The following RIN2 variants were observed in gnomAD, a reference collection of about 807,000 sequenced individuals.
RIN2 encodes the protein Ras and Rab interactor 2, also known as RAB5 interacting protein 2.
Under a neutral mutation model 78.0 loss-of-function variants are expected in RIN2, and 36 were observed. That is an observed-to-expected ratio of 0.46 (90% CI 0.35 to 0.61). The LOEUF (loss-of-function observed/expected upper bound fraction) is 0.61. RIN2 is among the 20% of genes least tolerant of loss of function. The pLI, the probability that RIN2 is intolerant of heterozygous loss-of-function variation, is 0.00. For missense variants in RIN2, 1,087 were observed against 1,159.7 expected, an observed-to-expected ratio of 0.94 and a Z score of 0.91; for synonymous variants, 466 against 466.8, an observed-to-expected ratio of 1.00 and a Z score of 0.02.
At chr20:19,796,567 G>A (rs564122135) in intron 1 of RIN2, among the ~76,000 whole-genome samples, 3 of 152,298 alleles carry the variant, frequency 2.0e-5, no homozygotes, top group Admixed American at 2.0e-4. Flanking sequence ...ATCATGATGT[G>A]AAATATATTT....
At chr20:19,960,572 T>G in intron 5 of RIN2, 128 bp from the exon 6 acceptor site, 1 of 717,968 alleles carries the variant, frequency 1.4e-6, no homozygotes. Context: ...GGCAGGAGAG[T>G]TTCCTGCAGG....
chr20:19,979,505 G>A (rs1049570905), intron 9 of RIN2, among the ~76,000 whole-genome samples: 3 of 152,222 alleles, frequency 2.0e-5, no homozygotes, highest in African/African-American at 4.8e-5. Context: ...GAAATGATAC[G>A]GAAAATGTGG....
At chr20:19,873,456 A>G (rs746236999) in intron 2 of RIN2, among the ~76,000 whole-genome samples, 5 of 152,188 alleles carry the variant, frequency 3.3e-5, no homozygotes, top group Admixed American at 6.5e-5. Flanking sequence ...AAAGGACCAG[A>G]TAACATTTTA....
At chr20:19,797,135 C>T (rs1333092702) in intron 1 of RIN2, among the ~76,000 whole-genome samples, 2 of 152,180 alleles carry the variant, frequency 1.3e-5, no homozygotes, top group East Asian at 1.9e-4. Flanking sequence ...CAGCATAACG[C>T]AGGGCACTGG....
intron 3 of RIN2, among the ~76,000 whole-genome samples, chr20:19,910,726 G>C (rs145389849): frequency 5.3e-5 from 8 of 150,922 alleles, no homozygotes; most frequent in Non-Finnish European, 1.0e-4. Context: ...CCACTACCAC[G>C]CCCGGCTAAT....
At chr20:19,966,547 C>T (rs1331857661) in intron 7 of RIN2, among the ~76,000 whole-genome samples, 1 of 152,122 alleles carries the variant, frequency 6.6e-6, no homozygotes, top group Non-Finnish European at 1.5e-5. Flanking sequence ...TGGTCTCAAA[C>T]TCCTGACCTC....
intron 11 of RIN2, among the ~76,000 whole-genome samples, chr20:19,993,224 A>T (rs12373860): frequency 9.9e-5 from 15 of 151,890 alleles, no homozygotes; most frequent in Admixed American, 3.9e-4. Context: ...CCATTTTTAT[A>T]TATCCAGATA....
At chr20:19,978,878 T>TA (rs1183838889) in intron 9 of RIN2, among the ~76,000 whole-genome samples, 1 of 152,206 alleles carries the variant, frequency 6.6e-6, no homozygotes, top group Non-Finnish European at 1.5e-5. Context: ...GGGCCCTACT[T>TA]AAAGTATTGG....
At chr20:19,767,122 A>G (rs1295313436) in intron 1 of RIN2, among the ~76,000 whole-genome samples, 2 of 152,174 alleles carry the variant, frequency 1.3e-5, no homozygotes, top group Non-Finnish European at 2.9e-5. Context: ...CAGAATGAAG[A>G]CCCAAAATAC....
intron 3 of RIN2, among the ~76,000 whole-genome samples, chr20:19,931,919 C>G (rs1276268043): frequency 6.6e-6 from 1 of 152,090 alleles, no homozygotes; most frequent in East Asian, 1.9e-4. Flanking sequence ...TCTTTGGGCC[C>G]ACGTGCAAGT....
At chr20:19,875,692 G>T (rs913945064) in intron 2 of RIN2, among the ~76,000 whole-genome samples, 1 of 152,086 alleles carries the variant, frequency 6.6e-6, no homozygotes, top group African/African-American at 2.4e-5. Context: ...GTGCAGGCCT[G>T]CAGGATGGAA....
chr20:19,964,806 C>A (rs1212742484), intron 6 of RIN2, 146 bp from the exon 7 acceptor site: 1 of 665,916 alleles, frequency 1.5e-6, no homozygotes, highest in Non-Finnish European at 2.7e-6. Flanking sequence ...GGCTGACATG[C>A]CTCCTCTGCA....
intron 1 of RIN2, among the ~76,000 whole-genome samples, chr20:19,766,968 A>C (rs1256715649): frequency 6.6e-6 from 1 of 151,944 alleles, no homozygotes; most frequent in African/African-American, 2.4e-5. Context: ...TGGAGCACCT[A>C]GGGAAGGAAC....
At chr20:19,985,943 A>G (rs943729138) in intron 9 of RIN2, among the ~76,000 whole-genome samples, 1 of 152,212 alleles carries the variant, frequency 6.6e-6, no homozygotes, top group Non-Finnish European at 1.5e-5. Flanking sequence ...AAATGAAAAC[A>G]TAGTAGGCCT....
At chr20:19,914,696 G>A (rs111740796) in intron 3 of RIN2, among the ~76,000 whole-genome samples, 2,133 of 152,242 alleles carry the variant, frequency 0.014, 42 homozygotes, top group African/African-American at 0.048. Context: ...TGGTCTGCCC[G>A]TCAGCCATGG....
chr20:19,980,626 A>T (rs1450853124), intron 9 of RIN2, among the ~76,000 whole-genome samples: 1 of 152,210 alleles, frequency 6.6e-6, no homozygotes, highest in Non-Finnish European at 1.5e-5. Context: ...TCATGTAGGA[A>T]TTGAGGAATG....
At chr20:19,760,913 C>T (rs568524835) in intron 1 of RIN2, among the ~76,000 whole-genome samples, 1 of 152,138 alleles carries the variant, frequency 6.6e-6, no homozygotes, top group African/African-American at 2.4e-5. Context: ...TCTCTTAAAG[C>T]AATACAGTGG....
intron 2 of RIN2, among the ~76,000 whole-genome samples, chr20:19,885,089 G>A (rs763447023): frequency 2.0e-5 from 3 of 152,210 alleles, no homozygotes; most frequent in Non-Finnish European, 2.9e-5. Flanking sequence ...CATGCAGCAC[G>A]GAGATGAGAA....
intron 1 of RIN2, among the ~76,000 whole-genome samples, chr20:19,792,079 C>T (rs2034903599): frequency 6.6e-6 from 1 of 152,170 alleles, no homozygotes; most frequent in African/African-American, 2.4e-5. Flanking sequence ...GAGCAGTTGA[C>T]AAGGCCAAGT....
Sources: allele counts gnomAD v4.1 joint callset (sites outside exome capture counted in the v4.1 genomes callset), GRCh38; gene constraint gnomAD v4.1.1; transcripts MANE v1.5; gene names NCBI Gene and HGNC (gene_info 2026-07-23, HGNC 2026-07-21).